Variants in CTNNA1 observed in about 807,000 individuals in gnomAD.
CTNNA1 encodes catenin alpha 1, also known as catenin alpha-1.
CTNNA1 carries 37 observed loss-of-function variants against 98.4 expected under a neutral mutation model. That is an observed-to-expected ratio of 0.38 (90% CI 0.29 to 0.49). CTNNA1 has a LOEUF of 0.49. Among genes scored for constraint, CTNNA1 ranks in the 20% least tolerant of loss-of-function variants. CTNNA1 has a pLI of 0.95. For missense variants in CTNNA1, 761 were observed against 1,147.2 expected (o/e 0.66, Z 4.86); for synonymous variants, 404 against 413.2 (o/e 0.98, Z 0.27).
At chr5:138,872,278 G>A (rs1750740111) in intron 7 of CTNNA1, 1 of 152,578 alleles carries the variant, frequency 6.6e-6, no homozygotes, top group South Asian at 2.1e-4. Flanking sequence ...AACGAGAAAT[G>A]TATAAGAAGT....
intron 16 of CTNNA1, 46 bp downstream of exon 16, chr5:138,930,981 CT>C: frequency 7.9e-7 from 1 of 1,263,716 alleles, no homozygotes; most frequent in South Asian, 1.2e-5. Context: ...CCTCCTGGGG[CT>C]CAGGCAGCCC....
At chr5:138,763,816 TGTC>T (rs201335492) in intron 1 of CTNNA1, among the ~76,000 whole-genome samples, 2,443 of 152,358 alleles carry the variant, frequency 0.016, 74 homozygotes, top group African/African-American at 0.055. Context: ...ATTCATTTGT[TGTC>T]ATTCTCTTGC....
chr5:138,902,586 A>G (rs1758297237), intron 9 of CTNNA1, among the ~76,000 whole-genome samples: 1 of 152,018 alleles, frequency 6.6e-6, no homozygotes, highest in South Asian at 2.1e-4. Flanking sequence ...CGCCCGGCTA[A>G]TTTTTTTGTA....
intron 10 of CTNNA1, among the ~76,000 whole-genome samples, chr5:138,916,234 T>C (rs1761733705): frequency 6.8e-6 from 1 of 146,212 alleles, no homozygotes; most frequent in South Asian, 2.1e-4. Context: ...TGCTAATGGA[T>C]ATGGATGGGG....
At chr5:138,828,004 A>G (rs1242009838) in intron 7 of CTNNA1, 2 of 359,878 alleles carry the variant, frequency 5.6e-6, no homozygotes, top group Non-Finnish European at 9.9e-6. Flanking sequence ...GTGTGTGTAT[A>G]TATAAATGTA....
At chr5:138,789,624 A>G (rs1029433809) in intron 3 of CTNNA1, among the ~76,000 whole-genome samples, 3 of 152,026 alleles carry the variant, frequency 2.0e-5, no homozygotes, top group Admixed American at 6.6e-5. Context: ...CACCTGGCTA[A>G]TTTTTGTATT....
chr5:138,783,504 A>T (rs978924138), intron 3 of CTNNA1, 132 bp downstream of exon 3: 1 of 712,142 alleles, frequency 1.4e-6, no homozygotes, highest in Admixed American at 2.9e-5. Flanking sequence ...TAGTTATTGG[A>T]GATGTATTAA....
At chr5:138,757,703 G>A (rs913517795) in intron 1 of CTNNA1, among the ~76,000 whole-genome samples, 1 of 152,186 alleles carries the variant, frequency 6.6e-6, no homozygotes, top group South Asian at 2.1e-4. Flanking sequence ...AGCCTTGTAA[G>A]CTCCTTGAAG....
chr5:138,813,689 C>T (rs1759089307), intron 5 of CTNNA1, among the ~76,000 whole-genome samples: 1 of 152,250 alleles, frequency 6.6e-6, no homozygotes, highest in South Asian at 2.1e-4. Context: ...ACAGTGGTGG[C>T]ATCATGTAAC....
At chr5:138,894,518 C>A (rs1329952649) in intron 9 of CTNNA1, among the ~76,000 whole-genome samples, 4 of 151,954 alleles carry the variant, frequency 2.6e-5, no homozygotes, top group Admixed American at 6.6e-5. Flanking sequence ...AGTGATCCTT[C>A]CACCTTGGCC....
chr5:138,760,982 A>T (rs1752294197), intron 1 of CTNNA1, among the ~76,000 whole-genome samples: 1 of 152,204 alleles, frequency 6.6e-6, no homozygotes, highest in African/African-American at 2.4e-5. Flanking sequence ...TGATGATGTC[A>T]TCCAGAAAGG....
At chr5:138,879,073 G>A (rs1023664740) in intron 7 of CTNNA1, among the ~76,000 whole-genome samples, 3 of 150,526 alleles carry the variant, frequency 2.0e-5, no homozygotes, top group African/African-American at 4.9e-5. Context: ...AGCTGGGCAC[G>A]GTGACAGGAG....
chr5:138,769,620 C>T (rs1263529202), intron 1 of CTNNA1, among the ~76,000 whole-genome samples: 1 of 152,026 alleles, frequency 6.6e-6, no homozygotes, highest in Non-Finnish European at 1.5e-5. Flanking sequence ...GCAGCCTCCG[C>T]CTTCTGGGTT....
At chr5:138,811,654 G>A (rs1758807037) in intron 4 of CTNNA1, among the ~76,000 whole-genome samples, 3 of 152,254 alleles carry the variant, frequency 2.0e-5, no homozygotes, top group East Asian at 1.9e-4. Context: ...ACCAGACTCC[G>A]TCTGCAATCC....
chr5:138,781,795 T>G (rs1561520057), intron 1 of CTNNA1, 128 bp from the exon 2 acceptor site: 2 of 747,434 alleles, frequency 2.7e-6, no homozygotes, highest in East Asian at 5.9e-5. Flanking sequence ...TGTAGGCTAG[T>G]TAGAATTTTT....
At chr5:138,886,379 T>A (rs1282078474) in intron 8 of CTNNA1, 87 bp downstream of exon 8, 2 of 1,347,844 alleles carry the variant, frequency 1.5e-6, no homozygotes, top group East Asian at 4.9e-5. Context: ...GGCCTTATAT[T>A]TTTTTATTGA....
At chr5:138,929,383 C>T (rs538781437) in intron 14 of CTNNA1, 27 bp downstream of exon 14, 2 of 1,171,168 alleles carry the variant, frequency 1.7e-6, no homozygotes, top group African/African-American at 3.0e-5. Flanking sequence ...TGGGGCAGTT[C>T]AGCTTGTGCT....
In CTNNA1 at chr5:138,762,316, A is replaced by G. The variant is rs118015544; in HGVS notation, c.-3+8806A>G. On this transcript the variant is annotated intron_variant, in intron 1 of 17. Coordinates refer to ENST00000302763, the MANE Select transcript of CTNNA1 (RefSeq NM_001903.5). ...TTGAATGGACTGAACAGTGTGGGGAATTAGTCCAGCGTGACTTGCCTTGTC... is the reference window on the plus strand; with the variant it reads ...TTGAATGGACTGAACAGTGTGGGGAGTTAGTCCAGCGTGACTTGCCTTGTC... 1.7e-4 allele frequency among the ~76,000 whole-genome samples: 26 copies of G among 152,264 alleles called. No individual in the cohort carries two copies. In the East Asian group the frequency reaches 4.6e-3, roughly 27 times the overall value.
chr5:138,806,387 A>G (rs1266373350), intron 3 of CTNNA1, among the ~76,000 whole-genome samples: 1 of 149,530 alleles, frequency 6.7e-6, no homozygotes, highest in Non-Finnish European at 1.5e-5. Flanking sequence ...TTCCCAACTC[A>G]TGTGTTTTCA....
Sources: allele counts gnomAD v4.1 joint callset (sites outside exome capture counted in the v4.1 genomes callset), GRCh38; gene constraint gnomAD v4.1.1; transcripts MANE v1.5; gene names NCBI Gene and HGNC (gene_info 2026-07-23, HGNC 2026-07-21).